GALNTL6: variants seen among roughly 807,000 people sequenced by gnomAD.
GALNTL6 encodes polypeptide N-acetylgalactosaminyltransferase like 6, also known as polypeptide N-acetylgalactosaminyltransferase-like 6.
GALNTL6 carries 46 observed loss-of-function variants against 73.7 expected under a neutral mutation model. That is an observed-to-expected ratio of 0.62 (90% CI 0.49 to 0.80). GALNTL6 has a LOEUF of 0.80. GALNTL6 is among the 30% of genes least tolerant of loss of function. The probability of loss-of-function intolerance (pLI) is 0.00; values close to 1 mark genes in which losing one functional copy is unlikely to be tolerated. For missense variants in GALNTL6, 604 were observed against 755.0 expected (o/e 0.80, Z 2.34); for synonymous variants, 259 against 263.7 (o/e 0.98, Z 0.17).
chr4:172,033,170 G>A (rs1174742792), intron 2 of GALNTL6, among the ~76,000 whole-genome samples: 5 of 146,458 alleles, frequency 3.4e-5, no homozygotes, highest in Non-Finnish European at 6.1e-5. Flanking sequence ...ACACACACAC[G>A]GAGAGAGAGA....
intron 2 of GALNTL6, among the ~76,000 whole-genome samples, chr4:172,030,729 G>A (rs1250094458): frequency 6.6e-6 from 1 of 150,822 alleles, no homozygotes; most frequent in Non-Finnish European, 1.5e-5. Context: ...AAAATATGGG[G>A]GACATATTTT....
intron 2 of GALNTL6, among the ~76,000 whole-genome samples, chr4:172,095,555 T>C (rs575174302): frequency 1.3e-5 from 2 of 152,272 alleles, no homozygotes; most frequent in East Asian, 3.9e-4. Context: ...TTTTGGCAGG[T>C]GAGTCTCCCT....
intron 5 of GALNTL6, among the ~76,000 whole-genome samples, chr4:172,784,814 TG>T (rs900036108): frequency 8.5e-5 from 13 of 152,182 alleles, no homozygotes; most frequent in African/African-American, 3.1e-4. Context: ...AAGTGATCTT[TG>T]GGGTAGAAAG....
In GALNTL6 at chr4:172,665,533, C is replaced by G. The variant is rs184484197; in HGVS notation, c.554-143828C>G. Among the ~76,000 whole-genome samples, 214 of 152,274 alleles carry G rather than the reference C, an allele frequency of 1.4e-3. 1 individual carries two copies. The highest frequency in any genetic ancestry group is 0.012 in the Admixed American group (182 of 15,306). ...TGATGGTTGCTAATAGCTACCACAC[C>G]TGCAGTCCCATTCCACAAAAATAGC... On this transcript the variant is annotated intron_variant, in intron 5 of 12. Coordinates refer to ENST00000506823, the MANE Select transcript of GALNTL6 (RefSeq NM_001034845.3).
At chr4:172,380,797 G>C (rs1238784589) in intron 5 of GALNTL6, among the ~76,000 whole-genome samples, 1 of 152,132 alleles carries the variant, frequency 6.6e-6, no homozygotes, top group Non-Finnish European at 1.5e-5. Flanking sequence ...TAGACATTTA[G>C]AACATCTTAT....
chr4:173,022,694 G>C (rs1753065187), intron 12 of GALNTL6, among the ~76,000 whole-genome samples: 1 of 152,116 alleles, frequency 6.6e-6, no homozygotes, highest in Admixed American at 6.5e-5. Context: ...CCCAAATGTA[G>C]CAAAGAAGAA....
intron 5 of GALNTL6, among the ~76,000 whole-genome samples, chr4:172,606,191 A>G (rs1738250271): frequency 6.6e-6 from 1 of 152,184 alleles, no homozygotes; most frequent in South Asian, 2.1e-4. Flanking sequence ...ATAAAGGATG[A>G]GAAATTAATA....
intron 2 of GALNTL6, among the ~76,000 whole-genome samples, chr4:171,863,165 G>T (rs1384892488): frequency 6.6e-6 from 1 of 152,156 alleles, no homozygotes; most frequent in Non-Finnish European, 1.5e-5. Flanking sequence ...GGAAGTGAAT[G>T]AAATACCATC....
chr4:172,825,047 T>C (rs1742159725), intron 7 of GALNTL6, among the ~76,000 whole-genome samples: 1 of 73,458 alleles, frequency 1.4e-5, no homozygotes, highest in African/African-American at 3.6e-5. Context: ...GGTGGGACAA[T>C]TCTTTTTTCT....
At chr4:172,928,267 C>T (rs1367603165) in intron 8 of GALNTL6, among the ~76,000 whole-genome samples, 1 of 152,154 alleles carries the variant, frequency 6.6e-6, no homozygotes, top group Non-Finnish European at 1.5e-5. Context: ...AACACGTGGA[C>T]ACTGAAGTTA....
intron 3 of GALNTL6, among the ~76,000 whole-genome samples, chr4:172,261,309 C>T (rs751487427): frequency 5.9e-5 from 9 of 151,356 alleles, no homozygotes; most frequent in Non-Finnish European, 1.5e-5. Context: ...TTCATAGTTT[C>T]TATTTCTTCC....
chr4:171,933,594 CTA>C (rs33922949), intron 2 of GALNTL6, among the ~76,000 whole-genome samples: 2,689 of 152,220 alleles, frequency 0.018, 76 homozygotes, highest in African/African-American at 0.062. Flanking sequence ...TTTATTTAGA[CTA>C]TTTTATTTCA....
At chr4:172,963,976 C>A (rs985828280) in intron 10 of GALNTL6, among the ~76,000 whole-genome samples, 1 of 152,170 alleles carries the variant, frequency 6.6e-6, no homozygotes, top group South Asian at 2.1e-4. Flanking sequence ...AGAAGTCATT[C>A]CATCCTCTGG....
In GALNTL6 at chr4:172,738,674, A is replaced by G. The variant is rs558807187; in HGVS notation, c.554-70687A>G. 2.0e-5 allele frequency among the ~76,000 whole-genome samples: 3 copies of G among 152,338 alleles called. No individual in the cohort carries two copies. In the East Asian group the frequency reaches 5.8e-4, roughly 29 times the overall value. ...AGTCAAGTATGAGTGACCATGGCCCATGACACAGCCCTTAGGAGATCCTGA... is the reference window on the plus strand; with the variant it reads ...AGTCAAGTATGAGTGACCATGGCCCGTGACACAGCCCTTAGGAGATCCTGA... On this transcript the variant is annotated intron_variant, in intron 5 of 12. Coordinates refer to ENST00000506823, the MANE Select transcript of GALNTL6 (RefSeq NM_001034845.3).
intron 3 of GALNTL6, among the ~76,000 whole-genome samples, chr4:172,286,111 A>T (rs566711124): frequency 3.3e-5 from 5 of 152,290 alleles, no homozygotes; most frequent in Non-Finnish European, 5.9e-5. Flanking sequence ...TGTATCCTCA[A>T]TTAGTGCCTG....
intron 5 of GALNTL6, among the ~76,000 whole-genome samples, chr4:172,778,112 G>C (rs1189422014): frequency 6.6e-6 from 1 of 152,246 alleles, no homozygotes; most frequent in African/African-American, 2.4e-5. Context: ...GTTTCCAACA[G>C]TAAGTGGCAT....
At chr4:172,349,276 TA>T (rs1391491615) in intron 5 of GALNTL6, among the ~76,000 whole-genome samples, 1 of 152,128 alleles carries the variant, frequency 6.6e-6, no homozygotes, top group Non-Finnish European at 1.5e-5. Flanking sequence ...ATTTACCTTA[TA>T]AAAATTTTAT....
intron 5 of GALNTL6, among the ~76,000 whole-genome samples, chr4:172,503,526 G>GTGTATATATATATA (rs1307566035): frequency 3.5e-5 from 3 of 85,934 alleles, no homozygotes; most frequent in Admixed American, 1.2e-4. Flanking sequence ...ACATAGAGTA[G>GTGTATATATATATA]TATATATATA....
intron 5 of GALNTL6, among the ~76,000 whole-genome samples, chr4:172,731,266 G>C (rs2111389511): frequency 6.6e-6 from 1 of 152,054 alleles, no homozygotes; most frequent in East Asian, 1.9e-4. Context: ...CTATTTCCTG[G>C]TGATTCAATC....
Sources: gnomAD v4.1 joint callset for allele counts (sites outside exome capture counted in the v4.1 genomes callset) on GRCh38, gnomAD v4.1.1 for gene constraint, MANE v1.5 for transcripts, NCBI Gene and HGNC (gene_info 2026-07-23, HGNC 2026-07-21) for gene names.